EFNB3: variants seen among roughly 807,000 people sequenced by gnomAD.
EFNB3 encodes ephrin-B3.
Under a neutral mutation model 29.8 loss-of-function variants are expected in EFNB3, and 14 were observed. The ratio of observed to expected loss-of-function variants is 0.47; its 90% confidence interval spans 0.31 to 0.73. The LOEUF (loss-of-function observed/expected upper bound fraction) is 0.73, where lower values mean the gene tolerates loss of function less well. EFNB3 is among the 30% of genes least tolerant of loss of function. EFNB3 has a pLI of 0.05. For missense variants in EFNB3, 408 were observed against 458.0 expected (o/e 0.89, Z 1.00); for synonymous variants, 216 against 191.6 (o/e 1.13, Z -1.05).
Position 7,705,274 on chromosome 17 carries a change from T to C in EFNB3, c.-325T>C. On this transcript the variant is annotated 5_prime_UTR_variant, in exon 1 of 5. Transcript: ENST00000226091. This position sits in a 1 kb window ranked among gnomAD's most constrained non-coding sequence, Gnocchi z 5.4. ...TCCGGCTCGGCGCCCCCTTCCTCGC[T>C]CCCTGGTCCGGCGCCCCATGCCGCC... The C allele has an allele frequency of 5.3e-6, 1 of 190,168 alleles. No homozygotes were observed. Among genetic ancestry groups the C allele is most frequent in the Non-Finnish European group, 1.1e-5 (1 of 93,774 alleles). 11.8% of individuals were successfully genotyped at this position (190,168 alleles called of 1,614,324 possible).
chr17:7,707,740 G>A (rs1470210927), intron 1 of EFNB3, among the ~76,000 whole-genome samples: 1 of 152,148 alleles, frequency 6.6e-6, no homozygotes, highest in Non-Finnish European at 1.5e-5. Flanking sequence ...CACACCAAGG[G>A]GCAGGAGACC....
rs775647430 is a variant in EFNB3 at position 7,707,935 on chromosome 17, C to T, written c.123-23C>T. 3 of 1,579,778 alleles carry T rather than the reference C, an allele frequency of 1.9e-6. No individual in the cohort carries two copies. The African/African-American group carries it at 4.1e-5, about 21-fold the overall frequency. On this transcript the variant is annotated intron_variant, in intron 1 of 4. Transcript: ENST00000226091. ...CAGGCCTCTGACATCTCTTCCTTGT[C>T]CACCTTACCCTCCTCCCCATAGGTT...
In EFNB3 at chr17:7,708,332, G is replaced by A; in HGVS notation, c.415+82G>A. The A allele has an allele frequency of 1.9e-6, 3 of 1,582,786 alleles. No homozygotes were observed. Among genetic ancestry groups the A allele is most frequent in the Non-Finnish European group, 2.6e-6 (3 of 1,162,910 alleles). Reference sequence around the variant, plus strand: ...GGAGGGGGACCCCTGCAGCCAAGAGGGAGATCCCAGTGCCCTCAGGCAGTG... The same window carrying A: ...GGAGGGGGACCCCTGCAGCCAAGAGAGAGATCCCAGTGCCCTCAGGCAGTG... On this transcript the variant is annotated intron_variant, in intron 2 of 4. Coordinates refer to ENST00000226091, the MANE Select transcript of EFNB3 (RefSeq NM_001406.4). This position sits in a 1 kb window ranked among gnomAD's most constrained non-coding sequence, Gnocchi z 6.8.
In EFNB3 at chr17:7,709,259, G is replaced by A. The variant is rs770804331; in HGVS notation, c.706G>A (p.Ala236Thr). ...PAVAGAAGGLALLLLGVAGAG... is the reference protein window; with the variant it reads ...PAVAGAAGGLTLLLLGVAGAG... ...AGTGGCTGGGGCAGCAGGGGGGCTG[G>A]CGCTGCTCTTGCTGGGCGTGGCAGG... is the stretch of plus-strand genomic sequence containing the variant. Residue 236 changes from alanine (A) to threonine (T), a missense_variant, in exon 5 of 5, where the codon GCG becomes ACG. Ala to Thr is a moderately conservative substitution (Grantham distance 58, BLOSUM62 0). This residue lies in a region of EFNB3 where 233 missense variants were observed against 230.7 expected (regional missense o/e 1.01). Transcript: ENST00000226091. The surrounding 1 kb of genome is among the most constrained non-coding windows in gnomAD (Gnocchi z 4.5). 2.5e-6 allele frequency: 4 copies of A among 1,588,950 alleles called. No individual in the cohort carries two copies. Among genetic ancestry groups the A allele is most frequent in the Non-Finnish European group, 3.4e-6 (4 of 1,172,412 alleles).
Position 7,705,769 on chromosome 17 carries a change from G to C in EFNB3, c.122+49G>C. The C allele has an allele frequency of 6.6e-7, 1 of 1,518,024 alleles. No individual in the cohort carries two copies. The highest frequency in any genetic ancestry group is 8.7e-7 in the Non-Finnish European group (1 of 1,148,984). The allele number at this position is 1,518,024 out of a possible 1,614,324, so 94.0% of individuals were successfully genotyped here. On this transcript the variant is annotated intron_variant, in intron 1 of 4. Transcript: ENST00000226091. The surrounding 1 kb of genome is among the most constrained non-coding windows in gnomAD (Gnocchi z 5.4). ...ATCCCAGACCCTAGGGCAGTGGGTA[G>C]GGAAGCTCTGGGGGCTTGGAGGCGG...
In EFNB3 at chr17:7,708,234, C is replaced by T. The variant is rs115052099; in HGVS notation, c.399C>T (p.His133=). Residue 133 remains histidine (H), a synonymous_variant, in exon 2 of 5, where the codon CAC becomes CAT. Coordinates refer to ENST00000226091, the MANE Select transcript of EFNB3 (RefSeq NM_001406.4). This position sits in a 1 kb window ranked among gnomAD's most constrained non-coding sequence, Gnocchi z 6.8. ...GGGGCCACGAGTTCCGCTCGCACCA[C>T]GATTACTACATCATTGGTACTGCTG... is the stretch of plus-strand genomic sequence containing the variant. ...NLWGHEFRSH[H]DYYIIATSDG... is the part of the protein sequence containing the mutation. The T allele has an allele frequency of 9.0e-4, 1,450 of 1,609,692 alleles. 10 individuals carry two copies. The African/African-American group carries it at 0.015, about 17-fold the overall frequency.
Position 7,708,342 on chromosome 17 carries a change from G to C in EFNB3, c.415+92G>C, listed in dbSNP as rs2074334727. The C allele has an allele frequency of 6.3e-7, 1 of 1,581,826 alleles. No homozygotes were observed. Among genetic ancestry groups the C allele is most frequent in the South Asian group, 1.2e-5 (1 of 85,470 alleles). ...CCCTGCAGCCAAGAGGGAGATCCCA[G>C]TGCCCTCAGGCAGTGTTCACACCAG... On this transcript the variant is annotated intron_variant, in intron 2 of 4. Transcript: ENST00000226091. This position sits in a 1 kb window ranked among gnomAD's most constrained non-coding sequence, Gnocchi z 6.8.
At chr17:7,707,665 T>C (rs1480480633) in intron 1 of EFNB3, among the ~76,000 whole-genome samples, 1 of 151,942 alleles carries the variant, frequency 6.6e-6, no homozygotes, top group African/African-American at 2.4e-5. Flanking sequence ...ACGGGGCTGG[T>C]GATGGAGCGG....
At position 7,709,545 on chromosome 17, in the gene EFNB3, A is replaced by G; in HGVS notation, c.992A>G (p.Gln331Arg). The G allele has an allele frequency of 1.9e-6, 3 of 1,613,864 alleles. No individual in the cohort carries two copies. The highest frequency in any genetic ancestry group is 2.5e-6 in the Non-Finnish European group (3 of 1,179,916). Residue 331 changes from glutamine to arginine, a missense_variant, in exon 5 of 5, where the codon CAG (glutamine) becomes CGG (arginine). Coordinates refer to ENST00000226091, the MANE Select transcript of EFNB3 (RefSeq NM_001406.4). The surrounding 1 kb of genome is among the most constrained non-coding windows in gnomAD (Gnocchi z 4.5). ...PVYIVQDGPPQSPPNIYYKV is the reference protein window; with the variant it reads ...PVYIVQDGPPRSPPNIYYKV ...TATATCGTGCAGGATGGGCCCCCCC[A>G]GAGCCCTCCAAACATCTACTACAAG...
chr17:7,705,753 C>A lies in EFNB3; in HGVS notation c.122+33C>A. The A allele has an allele frequency of 6.5e-7, 1 of 1,534,554 alleles. No homozygotes were observed. The highest frequency in any genetic ancestry group is 8.7e-7 in the Non-Finnish European group (1 of 1,153,310). ...GCCTGCGGCTGGGGAGATCCCAGAC[C>A]CTAGGGCAGTGGGTAGGGAAGCTCT... is the stretch of plus-strand genomic sequence containing the variant. On this transcript the variant is annotated intron_variant, in intron 1 of 4. Transcript: ENST00000226091. The surrounding 1 kb of genome is among the most constrained non-coding windows in gnomAD (Gnocchi z 5.4).
In EFNB3 at chr17:7,709,931, C is replaced by T. The variant is rs1267173308; in HGVS notation, c.*355C>T. On this transcript the variant is annotated 3_prime_UTR_variant, in exon 5 of 5. Coordinates refer to ENST00000226091, the MANE Select transcript of EFNB3 (RefSeq NM_001406.4). The surrounding 1 kb of genome is among the most constrained non-coding windows in gnomAD (Gnocchi z 4.5). ...GAACAGCCCACCTTTTGGTTGGCAC[C>T]GCCTTCTTTCTGCCTCTCACTGGTT... 1.3e-5 allele frequency: 5 copies of T among 394,512 alleles called. No individual in the cohort carries two copies. Among genetic ancestry groups the T allele is most frequent in the Non-Finnish European group, 2.3e-5 (5 of 217,514 alleles). 24.4% of individuals were successfully genotyped at this position (394,512 alleles called of 1,614,324 possible).
rs1190408857 is a variant in EFNB3 at position 7,710,240 on chromosome 17, T to A, written c.*664T>A. On this transcript the variant is annotated 3_prime_UTR_variant, in exon 5 of 5. Transcript: ENST00000226091. Reference sequence around the variant, plus strand: ...GGCCATGGGCAGCAGGGCTCCATTCTCTGGCCTGGCCCAGGCCTCTACATA... The same window carrying A: ...GGCCATGGGCAGCAGGGCTCCATTCACTGGCCTGGCCCAGGCCTCTACATA... 6.3e-6 allele frequency: 1 copy of A among 159,896 alleles called. No individual in the cohort carries two copies. Among genetic ancestry groups the A allele is most frequent in the Non-Finnish European group, 1.4e-5 (1 of 73,956 alleles). The allele number at this position is 159,896 out of a possible 1,614,324, so 9.9% of individuals were successfully genotyped here.
In EFNB3 at chr17:7,710,595, G is replaced by A. The variant is rs1215410064; in HGVS notation, c.*1019G>A. The A allele has an allele frequency of 6.6e-6, 1 of 152,670 alleles. No individual in the cohort carries two copies. Among genetic ancestry groups the A allele is most frequent in the Non-Finnish European group, 1.5e-5 (1 of 68,082 alleles). 9.5% of individuals were successfully genotyped at this position (152,670 alleles called of 1,614,324 possible). A position where few individuals can be genotyped will look rare whatever the true frequency, so the allele number is the denominator to read the frequency against. Reference sequence around the variant, plus strand: ...TCTGGGGGATCAGGAGGTGGGAGGTGGATGGTTCTTATTCTGTGGAGAAGA... The same window carrying A: ...TCTGGGGGATCAGGAGGTGGGAGGTAGATGGTTCTTATTCTGTGGAGAAGA... On this transcript the variant is annotated 3_prime_UTR_variant, in exon 5 of 5. Transcript: ENST00000226091.
In EFNB3 at chr17:7,705,659, GT is replaced by G; in HGVS notation, c.65del (p.Leu22TrpfsTer37). ...VRVGALLLLG[V>X]LGLVSGLSLE... The stretch of plus-strand genomic sequence containing the variant: ...AGTCGGGGCCCTGCTGCTGCTGGGG[GT>G]TTTGGGGCTGGTGTCTGGGCTCAGC... On this transcript the variant is annotated frameshift_variant, in exon 1 of 5. Transcript: ENST00000226091. LOFTEE classifies it high-confidence loss of function. The surrounding 1 kb of genome is among the most constrained non-coding windows in gnomAD (Gnocchi z 5.4). 1.3e-6 allele frequency: 2 copies of G among 1,527,820 alleles called. No individual in the cohort carries two copies. The highest frequency in any genetic ancestry group is 8.7e-7 in the Non-Finnish European group (1 of 1,150,912). 94.6% of individuals were successfully genotyped at this position (1,527,820 alleles called of 1,614,324 possible).
chr17:7,708,114 G>C lies in EFNB3; in HGVS notation c.279G>C (p.Glu93Asp). 6.2e-7 allele frequency: 1 copy of C among 1,614,088 alleles called. No individual in the cohort carries two copies. The highest frequency in any genetic ancestry group is 8.5e-7 in the Non-Finnish European group (1 of 1,180,016). ...GGGGTGCTCAGGGCCGGCGCTGTGA[G>C]GCACCCCCTGCCCCAAACCTCCTTC... ...LVGGAQGRRC[E>D]APPAPNLLLT... Residue 93 changes from glutamate (E) to aspartate (D), a missense_variant, in exon 2 of 5, where the codon GAG becomes GAC. Glu to Asp is a conservative substitution (Grantham distance 45). Coordinates refer to ENST00000226091, the MANE Select transcript of EFNB3 (RefSeq NM_001406.4). This position sits in a 1 kb window ranked among gnomAD's most constrained non-coding sequence, Gnocchi z 6.8.
chr17:7,707,753 T>C (rs907334859), intron 1 of EFNB3, among the ~76,000 whole-genome samples: 1 of 152,178 alleles, frequency 6.6e-6, no homozygotes, highest in East Asian at 1.9e-4. Context: ...AGGAGACCCC[T>C]GAGCCTGGCT....
At position 7,705,544 on chromosome 17, in the gene EFNB3, G is replaced by C; in HGVS notation, c.-55G>C. 3.7e-6 allele frequency: 4 copies of C among 1,094,568 alleles called. No individual in the cohort carries two copies. The highest frequency in any genetic ancestry group is 5.0e-6 in the Non-Finnish European group (4 of 807,780). 67.8% of individuals were successfully genotyped at this position (1,094,568 alleles called of 1,614,324 possible). On this transcript the variant is annotated 5_prime_UTR_variant, in exon 1 of 5. Coordinates refer to ENST00000226091, the MANE Select transcript of EFNB3 (RefSeq NM_001406.4). This position sits in a 1 kb window ranked among gnomAD's most constrained non-coding sequence, Gnocchi z 5.4. ...CAGGCAGCCAAGGCAGCCACCCCGG[G>C]GGGTGGGCGACTTTGGGGGAGTTGG...
At position 7,709,519 on chromosome 17, in the gene EFNB3, G is replaced by A. The variant is rs750150083; in HGVS notation, c.966G>A (p.Val322=). ...EKVSGDYGHP[V]YIVQDGPPQS... ...TGAGTGGTGACTATGGGCATCCTGT[G>A]TATATCGTGCAGGATGGGCCCCCCC... The change falls in exon 5 of 5, where the codon GTG becomes GTA. Residue 322 remains valine (V), a synonymous_variant. Coordinates refer to ENST00000226091, the MANE Select transcript of EFNB3 (RefSeq NM_001406.4). The surrounding 1 kb of genome is among the most constrained non-coding windows in gnomAD (Gnocchi z 4.5). The A allele has an allele frequency of 3.1e-6, 5 of 1,613,982 alleles. No individual in the cohort carries two copies. Among genetic ancestry groups the A allele is most frequent in the South Asian group, 1.1e-5 (1 of 91,074 alleles).
In EFNB3 at chr17:7,709,508, G is replaced by T. The variant is rs1567583847; in HGVS notation, c.955G>T (p.Gly319Trp). ...CTATGAGAAGGTGAGTGGTGACTAT[G>T]GGCATCCTGTGTATATCGTGCAGGA... ...PHYEKVSGDY[G>W]HPVYIVQDGP... Residue 319 changes from glycine to tryptophan, a missense_variant, in exon 5 of 5, where the codon GGG becomes TGG. By Grantham distance (184) the Gly-to-Trp change is radical. Coordinates refer to ENST00000226091, the MANE Select transcript of EFNB3 (RefSeq NM_001406.4). This position sits in a 1 kb window ranked among gnomAD's most constrained non-coding sequence, Gnocchi z 4.5. 5.6e-6 allele frequency: 9 copies of T among 1,613,934 alleles called. No individual in the cohort carries two copies. Among genetic ancestry groups the T allele is most frequent in the Non-Finnish European group, 5.1e-6 (6 of 1,179,936 alleles).
Sources: allele counts gnomAD v4.1 joint callset (sites outside exome capture counted in the v4.1 genomes callset), GRCh38; gene constraint gnomAD v4.1.1; regional missense constraint gnomAD v4.1.1; non-coding constraint Gnocchi (gnomAD v3.1); transcripts MANE v1.5; gene names NCBI Gene and HGNC (gene_info 2026-07-23, HGNC 2026-07-21).